Variants in TEX36 observed in about 807,000 individuals in gnomAD.
TEX36 encodes testis expressed 36.
TEX36 carries 12 observed loss-of-function variants against 13.6 expected under a neutral mutation model. The ratio of observed to expected loss-of-function variants is 0.88; its 90% CI spans 0.56 to 1.43. The LOEUF (loss-of-function observed/expected upper bound fraction) is 1.43, where lower values mean the gene tolerates loss of function less well. TEX36 is among the 40% of genes most tolerant of loss of function. The pLI, the probability that TEX36 is intolerant of heterozygous loss-of-function variation, is 0.00. For synonymous variants in TEX36, 93 were observed against 83.0 expected (o/e 1.12, Z -0.65); for missense variants, 224 against 228.3 (o/e 0.98, Z 0.12).
intron 3 of TEX36, among the ~76,000 whole-genome samples, chr10:125,580,381 C>T (rs1287120334): frequency 6.6e-6 from 1 of 152,162 alleles, no homozygotes; most frequent in East Asian, 1.9e-4. Context: ...AGGTTTTCTC[C>T]AACTTTATTC....
intron 3 of TEX36, among the ~76,000 whole-genome samples, chr10:125,605,217 T>C (rs1846200589): frequency 6.6e-6 from 1 of 152,218 alleles, no homozygotes. Flanking sequence ...CTTCGACTCA[T>C]TTTATTTTCC....
At chr10:125,680,170 T>C (rs1344908353) in intron 1 of TEX36, among the ~76,000 whole-genome samples, 1 of 152,202 alleles carries the variant, frequency 6.6e-6, no homozygotes, top group Non-Finnish European at 1.5e-5. Flanking sequence ...GGTCTTCGGG[T>C]TCTGAACCTT....
At chr10:125,681,510 A>T (rs905739585) in intron 1 of TEX36, among the ~76,000 whole-genome samples, 7 of 152,210 alleles carry the variant, frequency 4.6e-5, no homozygotes, top group Non-Finnish European at 1.0e-4. Context: ...CAGGGAACTC[A>T]GAGTCAAATG....
intron 3 of TEX36, among the ~76,000 whole-genome samples, chr10:125,590,995 G>A (rs1467183735): frequency 6.6e-6 from 1 of 152,142 alleles, no homozygotes. Flanking sequence ...TGGCCCAAAG[G>A]TGAATCGTCT....
At chr10:125,655,674 T>G, downstream of TEX36, 3 of 1,228,874 alleles carry the variant, frequency 2.4e-6, no homozygotes, top group Non-Finnish European at 3.0e-6. Context: ...AAGGATGTAC[T>G]TTTTAAAACT....
At chr10:125,647,847 G>A (rs1046114951) in intron 3 of TEX36, among the ~76,000 whole-genome samples, 1 of 152,216 alleles carries the variant, frequency 6.6e-6, no homozygotes, top group Non-Finnish European at 1.5e-5. Context: ...CAGCACACCA[G>A]GAGATTATAT....
At chr10:125,669,959 G>A (rs181369507) in intron 1 of TEX36, among the ~76,000 whole-genome samples, 11 of 152,286 alleles carry the variant, frequency 7.2e-5, no homozygotes, top group Admixed American at 1.3e-4. Flanking sequence ...ATAATATTCC[G>A]TGGTGTACAT....
At chr10:125,593,805 G>A (rs977719891) in intron 3 of TEX36, among the ~76,000 whole-genome samples, 4 of 152,212 alleles carry the variant, frequency 2.6e-5, no homozygotes, top group Non-Finnish European at 5.9e-5. Flanking sequence ...AGTTTCTGTT[G>A]AGGATGATAG....
intron 3 of TEX36, among the ~76,000 whole-genome samples, chr10:125,632,238 C>T (rs1370318332): frequency 6.6e-6 from 1 of 152,052 alleles, no homozygotes; most frequent in Non-Finnish European, 1.5e-5. Context: ...GTGGCACTCA[C>T]ATTTGGACTG....
At chr10:125,618,942 T>TAAAAAAA (rs11452140), downstream of TEX36, among the ~76,000 whole-genome samples, 9 of 43,580 alleles carry the variant, frequency 2.1e-4, no homozygotes, top group African/African-American at 7.9e-4. Flanking sequence ...CCGTCTCTAC[T>TAAAAAAA]AAAAAAAAAA....
chr10:125,621,691 C>T (rs1846431171), intron 3 of TEX36: 1 of 455,878 alleles, frequency 2.2e-6, no homozygotes, highest in Non-Finnish European at 4.4e-6. Flanking sequence ...AGTCTGAAAG[C>T]CTCAAACCCA....
intron 3 of TEX36, among the ~76,000 whole-genome samples, chr10:125,643,514 A>T (rs1273876181): frequency 1.3e-5 from 2 of 152,032 alleles, no homozygotes; most frequent in Non-Finnish European, 2.9e-5. Flanking sequence ...GAGGCTGAGG[A>T]GGGCGGATCA....
At chr10:125,619,910 C>T (rs966609880), downstream of TEX36, among the ~76,000 whole-genome samples, 2 of 151,402 alleles carry the variant, frequency 1.3e-5, no homozygotes, top group African/African-American at 4.9e-5. Flanking sequence ...TATATATATA[C>T]ATCTATATAT....
At chr10:125,605,906 C>A (rs1354894709) in intron 3 of TEX36, among the ~76,000 whole-genome samples, 1 of 152,184 alleles carries the variant, frequency 6.6e-6, no homozygotes, top group Non-Finnish European at 1.5e-5. Context: ...CCAGCCAGAT[C>A]TATCTATTTT....
At chr10:125,602,442 T>C (rs546704360) in intron 3 of TEX36, among the ~76,000 whole-genome samples, 1 of 152,196 alleles carries the variant, frequency 6.6e-6, no homozygotes, top group African/African-American at 2.4e-5. Flanking sequence ...CAAGCCCCAC[T>C]GGGCACCTTC....
intron 3 of TEX36, among the ~76,000 whole-genome samples, chr10:125,613,526 C>T (rs946724856): frequency 6.9e-5 from 10 of 144,312 alleles, no homozygotes; most frequent in South Asian, 6.7e-4. Flanking sequence ...TTAGAATATG[C>T]GGTGTTTGGT....
At chr10:125,609,042 T>C (rs1309880931) in intron 3 of TEX36, among the ~76,000 whole-genome samples, 5 of 147,804 alleles carry the variant, frequency 3.4e-5, no homozygotes, top group Non-Finnish European at 7.4e-5. Flanking sequence ...TGTGGTGGCG[T>C]GCACCTGTAA....
intron 3 of TEX36, among the ~76,000 whole-genome samples, chr10:125,614,637 C>G (rs1184946515): frequency 2.6e-5 from 4 of 152,136 alleles, no homozygotes; most frequent in African/African-American, 9.6e-5. Flanking sequence ...TTCCATTGAT[C>G]TATATCTCTG....
At chr10:125,621,769 C>T in intron 3 of TEX36, 1 of 412,076 alleles carries the variant, frequency 2.4e-6, no homozygotes, top group Non-Finnish European at 4.8e-6. Context: ...GCCACTGGTT[C>T]AAGTCCCAGA....
Sources: allele counts gnomAD v4.1 joint callset (sites outside exome capture counted in the v4.1 genomes callset), GRCh38; gene constraint gnomAD v4.1.1; transcripts MANE v1.5; gene names NCBI Gene and HGNC (gene_info 2026-07-23, HGNC 2026-07-21).